RBFOX3: variants seen among roughly 807,000 people sequenced by gnomAD.
RBFOX3 encodes the protein RNA binding protein fox-1 homolog 3.
A neutral mutation model predicts 48.7 loss-of-function variants in RBFOX3; 17 were observed. The observed-to-expected ratio is 0.35, with a 90% CI of 0.24 to 0.52. RBFOX3 has a LOEUF of 0.52. Ranked by LOEUF, RBFOX3 falls within the 20% of genes least tolerant of loss-of-function variation. The pLI is 0.94. For missense variants in RBFOX3, 382 were observed against 497.5 expected (o/e 0.77, Z 2.21); for synonymous variants, 212 against 209.5 (o/e 1.01, Z -0.10).
intron 13 of RBFOX3, among the ~76,000 whole-genome samples, 193 bp from the exon 14 acceptor site, chr17:79,094,722 G>A (rs1443065790): frequency 7.5e-5 from 11 of 147,464 alleles, no homozygotes; most frequent in Admixed American, 7.4e-4. Context: ...GAAGCTTCTG[G>A]AACACAACAG....
At chr17:79,461,574 G>A (rs369118677) in intron 2 of RBFOX3, among the ~76,000 whole-genome samples, 8 of 152,282 alleles carry the variant, frequency 5.3e-5, no homozygotes, top group Middle Eastern at 3.4e-3. Context: ...ACAGGGTCTC[G>A]GCACACTGCC....
At chr17:79,511,890 G>A (rs1190407591) in intron 1 of RBFOX3, among the ~76,000 whole-genome samples, 3 of 145,828 alleles carry the variant, frequency 2.1e-5, no homozygotes, top group African/African-American at 2.6e-5. Flanking sequence ...TATTACCATC[G>A]GGTACAGCCC....
chr17:79,179,528 G>T (rs1023013837), intron 4 of RBFOX3, among the ~76,000 whole-genome samples: 4 of 150,206 alleles, frequency 2.7e-5, no homozygotes, highest in Admixed American at 2.6e-4. Flanking sequence ...CCTCTCCCCC[G>T]GCCAGCCCCC....
intron 4 of RBFOX3, among the ~76,000 whole-genome samples, chr17:79,138,094 T>G (rs1274164871): frequency 6.6e-6 from 1 of 152,126 alleles, no homozygotes; most frequent in African/African-American, 2.4e-5. Flanking sequence ...GGCACGCTCG[T>G]GGGCAGGTCT....
In RBFOX3 at chr17:79,471,489, A is replaced by G. The variant is rs1598841997; in HGVS notation, c.-175+10965T>C. Among the ~76,000 whole-genome samples the G allele has an allele frequency of 6.6e-6, 1 of 152,232 alleles. No individual in the cohort carries two copies. Among genetic ancestry groups the G allele is most frequent in the East Asian group, 1.9e-4 (1 of 5,180 alleles). ...CAATATTCAAACGCCACCTCTGGTC[A>G]CCCCTGGCCTGAGGGACATTTGTTT... On this transcript the variant is annotated intron_variant, in intron 2 of 14. Transcript: ENST00000693108. This position sits in a 1 kb window ranked among gnomAD's most constrained non-coding sequence, Gnocchi z 4.0.
intron 3 of RBFOX3, among the ~76,000 whole-genome samples, chr17:79,237,918 C>T (rs2061829545): frequency 7.3e-6 from 1 of 136,388 alleles, no homozygotes; most frequent in African/African-American, 2.8e-5. Context: ...GCATCAACTG[C>T]TGCCTTCGTT....
intron 2 of RBFOX3, among the ~76,000 whole-genome samples, chr17:79,382,193 G>A (rs957833450): frequency 3.9e-5 from 6 of 152,142 alleles, no homozygotes; most frequent in East Asian, 3.9e-4. Flanking sequence ...ACCACCCAAC[G>A]GGAGACGATG....
rs2078030121 is a variant in RBFOX3 at position 79,477,400 on chromosome 17, C to CA, written c.-175+5053dup. ...TGAAACCCCGTCTCTACTAAAAATA[C>CA]AAAACATTAGCCAGACGTGGTGGCG... On this transcript the variant is annotated intron_variant, in intron 2 of 14. Transcript: ENST00000693108. The surrounding 1 kb of genome is among the most constrained non-coding windows in gnomAD (Gnocchi z 4.8). Among the ~76,000 whole-genome samples the CA allele has an allele frequency of 6.6e-6, 1 of 150,382 alleles. No individual in the cohort carries two copies. Among genetic ancestry groups the CA allele is most frequent in the Non-Finnish European group, 1.5e-5 (1 of 67,540 alleles).
In RBFOX3 at chr17:79,470,300, C is replaced by T. The variant is rs564518984; in HGVS notation, c.-175+12154G>A. Among the ~76,000 whole-genome samples, 561 of 152,226 alleles carry T rather than the reference C, an allele frequency of 3.7e-3. 1 individual carries two copies. The highest frequency in any genetic ancestry group is 0.013 in the African/African-American group (531 of 41,532). On this transcript the variant is annotated intron_variant, in intron 2 of 14. Coordinates refer to ENST00000693108, the MANE Select transcript of RBFOX3 (RefSeq NM_001350451.2). ...ATCCTGGCCCCGGTGGCCAAAATGC[C>T]GTGTGTCCACTCTGCTGGACAGAGG...
At chr17:79,490,303 A>G (rs1464282995) in intron 1 of RBFOX3, among the ~76,000 whole-genome samples, 4 of 152,162 alleles carry the variant, frequency 2.6e-5, no homozygotes, top group Admixed American at 6.5e-5. Flanking sequence ...GGCCTTTTGT[A>G]ATTTATGTGT....
chr17:79,407,982 G>C (rs568421996), intron 2 of RBFOX3, among the ~76,000 whole-genome samples: 3 of 152,324 alleles, frequency 2.0e-5, no homozygotes, highest in Admixed American at 1.3e-4. Flanking sequence ...GTCGAGCACG[G>C]AACCCAGGTC....
intron 1 of RBFOX3, among the ~76,000 whole-genome samples, chr17:79,580,353 C>A (rs977139736): frequency 6.7e-6 from 1 of 150,184 alleles, no homozygotes; most frequent in Non-Finnish European, 1.5e-5. Flanking sequence ...TATCAGCCAA[C>A]AACTCCCTCA....
Position 79,312,852 on chromosome 17 carries a change from G to A in RBFOX3, c.-174-5028C>T, listed in dbSNP as rs911960300. Among the ~76,000 whole-genome samples the A allele has an allele frequency of 6.6e-5, 10 of 152,232 alleles. No individual in the cohort carries two copies. In the South Asian group the frequency reaches 1.0e-3, roughly 16 times the overall value. The stretch of plus-strand genomic sequence containing the variant: ...TCTGTAGCTGCTGTAATCTCCTCGA[G>A]GGGGAGAGAGCTGGCAGGAGTGGGA... On this transcript the variant is annotated intron_variant, in intron 2 of 14. Transcript: ENST00000693108.
chr17:79,198,820 C>T lies in RBFOX3; in HGVS notation c.-34+36946G>A, dbSNP rs141768749. Among the ~76,000 whole-genome samples, 1,283 of 152,092 alleles carry T rather than the reference C, an allele frequency of 8.4e-3. 6 individuals carry two copies. Among genetic ancestry groups the T allele is most frequent in the Non-Finnish European group, 0.014 (931 of 67,974 alleles). ...TTTTTTGTACTTTTGGTAGAGATGG[C>T]GTTTCATCATGTTGGCCAGGCTAAT... is the stretch of plus-strand genomic sequence containing the variant. On this transcript the variant is annotated intron_variant, in intron 4 of 14. Coordinates refer to ENST00000693108, the MANE Select transcript of RBFOX3 (RefSeq NM_001350451.2). The surrounding 1 kb of genome is among the most constrained non-coding windows in gnomAD (Gnocchi z 8.2).
intron 4 of RBFOX3, among the ~76,000 whole-genome samples, chr17:79,146,274 G>A (rs1425917389): frequency 6.6e-6 from 1 of 152,190 alleles, no homozygotes; most frequent in Non-Finnish European, 1.5e-5. Flanking sequence ...GGAGGCCAGA[G>A]ATGCTGCTCC....
At chr17:79,564,447 G>A (rs1333037686) in intron 1 of RBFOX3, among the ~76,000 whole-genome samples, 2 of 152,164 alleles carry the variant, frequency 1.3e-5, no homozygotes, top group Admixed American at 6.5e-5. Context: ...TGGCTGGTGG[G>A]GGCTGGTGTG....
At chr17:79,289,026 T>TG (rs1567982760) in intron 3 of RBFOX3, among the ~76,000 whole-genome samples, 1 of 152,052 alleles carries the variant, frequency 6.6e-6, no homozygotes, top group Non-Finnish European at 1.5e-5. Context: ...TGGGGACAGC[T>TG]GGGGGGAGTC....
rs1426517815 is a variant in RBFOX3, at chr17:79,482,391, C to T, written c.-175+63G>A. 6.6e-6 allele frequency: 1 copy of T among 152,214 alleles called. No homozygotes were observed. Among genetic ancestry groups the T allele is most frequent in the Non-Finnish European group, 1.5e-5 (1 of 68,062 alleles). The allele number at this position is 152,214 out of a possible 1,614,324, so 9.4% of individuals were successfully genotyped here. On this transcript the variant is annotated intron_variant, in intron 2 of 14. Transcript: ENST00000693108. This position sits in a 1 kb window ranked among gnomAD's most constrained non-coding sequence, Gnocchi z 4.1. ...GGAAAATCAAATCACCGCATTAAAA[C>T]GTATTTCCTCCACAAATGCAAACTC...
At chr17:79,637,224 C>T in the RBFOX3 span, among the ~76,000 whole-genome samples, 1 of 152,178 alleles carries the variant, frequency 6.6e-6, no homozygotes, top group Non-Finnish European at 1.5e-5. Flanking sequence ...TAATATCTCA[C>T]TCTCTATAGT....
Sources: allele counts gnomAD v4.1 joint callset (sites outside exome capture counted in the v4.1 genomes callset), GRCh38; gene constraint gnomAD v4.1.1; non-coding constraint Gnocchi (gnomAD v3.1); transcripts MANE v1.5; gene names NCBI Gene and HGNC (gene_info 2026-07-23, HGNC 2026-07-21).